CPM: variants seen among roughly 807,000 people sequenced by gnomAD.
CPM encodes carboxypeptidase M.
CPM carries 35 observed loss-of-function variants against 46.4 expected under a neutral mutation model. The observed-to-expected ratio is 0.75, with a 90% CI of 0.58 to 1.00. The LOEUF is 1.00. CPM is among the 50% of genes least tolerant of loss of function. CPM has a pLI of 0.00. For synonymous variants in CPM, 195 were observed against 195.3 expected (o/e 1.00, Z 0.01); for missense variants, 422 against 530.4 (o/e 0.80, Z 2.01).
chr12:68,845,767 T>C (rs918387282), intron 5 of CPM: 35 of 156,078 alleles, frequency 2.2e-4, no homozygotes, highest in African/African-American at 7.9e-4. Context: ...TTTCACCTTT[T>C]GTTTGTTTTG....
At chr12:68,865,445 G>T (rs1885394108) in intron 7 of CPM, among the ~76,000 whole-genome samples, 1 of 152,144 alleles carries the variant, frequency 6.6e-6, no homozygotes, top group Admixed American at 6.5e-5. Flanking sequence ...GCCGAGGAAG[G>T]GTCCTAATCA....
At chr12:68,903,532 A>G (rs564387734) in intron 2 of CPM, among the ~76,000 whole-genome samples, 2 of 152,354 alleles carry the variant, frequency 1.3e-5, no homozygotes, top group South Asian at 4.1e-4. Flanking sequence ...TTAAAATGTA[A>G]GTTGAGAAAT....
rs539664807 is a variant in CPM, at chr12:68,894,844, G to A, written c.161-8955C>T. On this transcript the variant is annotated intron_variant, in intron 2 of 8. Transcript: ENST00000551568. ...GTGGTCAGGAGTTTGAGACCAGCCT[G>A]GCTAACACAGTGAAACTGTCACCAC... is the stretch of plus-strand genomic sequence containing the variant. Among the ~76,000 whole-genome samples, 52 of 152,032 alleles carry A rather than the reference G, an allele frequency of 3.4e-4. 1 individual carries two copies. The South Asian group carries it at 9.2e-3, about 27-fold the overall frequency.
intron 2 of CPM, among the ~76,000 whole-genome samples, chr12:68,911,258 C>T (rs1887583185): frequency 6.6e-6 from 1 of 152,284 alleles, no homozygotes; most frequent in African/African-American, 2.4e-5. Flanking sequence ...ATCCTAGGGC[C>T]TCAGGTTCCT....
intron 2 of CPM, among the ~76,000 whole-genome samples, chr12:68,926,167 C>T (rs1888251198): frequency 6.6e-6 from 1 of 152,180 alleles, no homozygotes; most frequent in African/African-American, 2.4e-5. Flanking sequence ...ATCCACCTGC[C>T]TCAGCCTCCC....
upstream of CPM, among the ~76,000 whole-genome samples, chr12:68,933,880 A>G (rs1045342708): frequency 6.6e-6 from 1 of 152,228 alleles, no homozygotes; most frequent in Admixed American, 6.5e-5. Flanking sequence ...AGAAGGCAGG[A>G]CCACTGTTGT....
At chr12:68,933,998 A>G (rs1888618999), upstream of CPM, among the ~76,000 whole-genome samples, 1 of 152,152 alleles carries the variant, frequency 6.6e-6, no homozygotes, top group Non-Finnish European at 1.5e-5. Flanking sequence ...TGGTCTCTGC[A>G]CGAGAGAGAA....
rs969056313 is a variant in CPM at position 68,855,126 on chromosome 12, C to A, written c.*1311G>T. Reference sequence around the variant, plus strand: ...CCGCCCGCCTTGGCCTCCCAAAATGCTGGGATTACAGGCATGAGCCACCAT... The same window carrying A: ...CCGCCCGCCTTGGCCTCCCAAAATGATGGGATTACAGGCATGAGCCACCAT... On this transcript the variant is annotated 3_prime_UTR_variant, in exon 9 of 9. Transcript: ENST00000551568. 6.6e-6 allele frequency: 1 copy of A among 152,250 alleles called. No homozygotes were observed. The highest frequency in any genetic ancestry group is 2.4e-5 in the African/African-American group (1 of 41,400). The allele number at this position is 152,250 out of a possible 1,614,324, so 9.4% of individuals were successfully genotyped here.
upstream of CPM, among the ~76,000 whole-genome samples, chr12:68,933,746 G>C (rs1314853262): frequency 6.6e-6 from 1 of 152,214 alleles, no homozygotes; most frequent in Non-Finnish European, 1.5e-5. Context: ...GAGAAAGAAC[G>C]CGCGCGTGTG....
chr12:68,945,022 G>T (rs1420841674), intron 1 of CPM, among the ~76,000 whole-genome samples: 2 of 152,118 alleles, frequency 1.3e-5, no homozygotes, highest in African/African-American at 4.8e-5. Flanking sequence ...AACATCTCAA[G>T]AGACCAATCT....
At chr12:68,899,512 G>A (rs908658650) in intron 2 of CPM, among the ~76,000 whole-genome samples, 2 of 152,210 alleles carry the variant, frequency 1.3e-5, no homozygotes, top group African/African-American at 4.8e-5. Context: ...TAATGAGCCT[G>A]GAAAGCATGT....
chr12:68,849,563 C>G (rs1036759106), downstream of CPM: 1 of 152,118 alleles, frequency 6.6e-6, no homozygotes, highest in African/African-American at 2.4e-5. Context: ...CGCATGCCAC[C>G]ATGCATGGCT....
At chr12:68,864,659 T>C (rs776262356) in intron 7 of CPM, among the ~76,000 whole-genome samples, 13 of 152,162 alleles carry the variant, frequency 8.5e-5, no homozygotes, top group African/African-American at 2.2e-4. Context: ...CAGAGCATAT[T>C]TGATGTTCAC....
At chr12:68,880,054 A>G (rs1886121405) in intron 3 of CPM, among the ~76,000 whole-genome samples, 1 of 152,040 alleles carries the variant, frequency 6.6e-6, no homozygotes, top group Non-Finnish European at 1.5e-5. Context: ...TGTAGCATAC[A>G]GGAATGGCAG....
chr12:68,943,614 A>T (rs1229775254), intron 1 of CPM, among the ~76,000 whole-genome samples: 1 of 152,194 alleles, frequency 6.6e-6, no homozygotes, highest in African/African-American at 2.4e-5. Flanking sequence ...TTTGAGTGCA[A>T]AATAATGCTT....
At chr12:68,895,737 T>C (rs1886846047) in intron 2 of CPM, among the ~76,000 whole-genome samples, 2 of 152,210 alleles carry the variant, frequency 1.3e-5, no homozygotes, top group African/African-American at 4.8e-5. Context: ...CCCAGCACTT[T>C]GGGAGGCCGA....
chr12:68,926,769 T>A (rs1356927326), intron 2 of CPM, among the ~76,000 whole-genome samples: 1 of 151,790 alleles, frequency 6.6e-6, no homozygotes, highest in Non-Finnish European at 1.5e-5. Flanking sequence ...GTGTCCAATG[T>A]GTTCTCATTG....
chr12:68,870,457 A>G, intron 4 of CPM, 58 bp from the exon 5 acceptor site: 1 of 1,480,790 alleles, frequency 6.8e-7, no homozygotes, highest in Non-Finnish European at 9.3e-7. Flanking sequence ...GTGGATTCTT[A>G]CAGTGTCTTG....
chr12:68,913,144 C>T (rs1309732305), intron 2 of CPM, among the ~76,000 whole-genome samples: 1 of 152,164 alleles, frequency 6.6e-6, no homozygotes, highest in African/African-American at 2.4e-5. Flanking sequence ...AGTCTTCCTC[C>T]AGGGGTGCTG....
Sources: allele counts gnomAD v4.1 joint callset (sites outside exome capture counted in the v4.1 genomes callset), GRCh38; gene constraint gnomAD v4.1.1; transcripts MANE v1.5; gene names NCBI Gene and HGNC (gene_info 2026-07-23, HGNC 2026-07-21).